Variants in PCDHGA10 observed in about 807,000 individuals in gnomAD.
PCDHGA10 encodes protocadherin gamma subfamily A, 10, also known as protocadherin gamma-A10.
Under a neutral mutation model 59.5 loss-of-function variants are expected in PCDHGA10, and 42 were observed. The observed-to-expected ratio is 0.71, with a 90% confidence interval of 0.55 to 0.91. The LOEUF (loss-of-function observed/expected upper bound fraction) is 0.91. Ranked by LOEUF, PCDHGA10 falls within the 40% of genes least tolerant of loss-of-function variation. The pLI is 0.00. For synonymous variants in PCDHGA10, 511 were observed against 517.2 expected (o/e 0.99, Z 0.16); for missense variants, 1,111 against 1,198.2 (o/e 0.93, Z 1.07).
chr5:141,487,529 A>G lies in PCDHGA10; in HGVS notation c.2437-7278A>G, dbSNP rs772843725. ...TGCACCCACTCGGAGTGATAGCTTCATGATGGTGAAGTCACCCAGTGCACC... is the reference window on the plus strand; with the variant it reads ...TGCACCCACTCGGAGTGATAGCTTCGTGATGGTGAAGTCACCCAGTGCACC... On this transcript the variant is annotated intron_variant, in intron 1 of 3. Coordinates refer to ENST00000398610, the MANE Select transcript of PCDHGA10 (RefSeq NM_018913.3). The surrounding 1 kb of genome is among the most constrained non-coding windows in gnomAD (Gnocchi z 5.0). The G allele has an allele frequency of 2.0e-5, 32 of 1,614,168 alleles. No individual in the cohort carries two copies. Among genetic ancestry groups the G allele is most frequent in the Non-Finnish European group, 2.5e-5 (29 of 1,180,040 alleles).
In PCDHGA10 at chr5:141,490,729, C is replaced by G. The variant is rs1365931429; in HGVS notation, c.2437-4078C>G. ...CCTCACCTACTCCATTGTAGGAAAT[C>G]AGGTTCAGGGAGCCCCAGCCTCCTC... On this transcript the variant is annotated intron_variant, in intron 1 of 3. Coordinates refer to ENST00000398610, the MANE Select transcript of PCDHGA10 (RefSeq NM_018913.3). The surrounding 1 kb of genome is among the most constrained non-coding windows in gnomAD (Gnocchi z 5.4). 1 of 1,614,184 alleles carries G rather than the reference C, an allele frequency of 6.2e-7. No homozygotes were observed.
intron 1 of PCDHGA10, chr5:141,442,382 T>C (rs1256682275): frequency 6.6e-6 from 1 of 152,290 alleles, no homozygotes; most frequent in East Asian, 1.9e-4. Flanking sequence ...CTACCAGGTG[T>C]GTGCTTCTCC....
intron 3 of PCDHGA10, among the ~76,000 whole-genome samples, chr5:141,510,329 A>G (rs1433056614): frequency 6.7e-6 from 1 of 150,230 alleles, no homozygotes; most frequent in South Asian, 2.1e-4. Context: ...AGCACTCTTC[A>G]CCCCCACCCC....
rs367578838 is a variant in PCDHGA10, at chr5:141,432,537, C to A, written c.2436+16926C>A. The A allele has an allele frequency of 5.0e-6, 8 of 1,613,882 alleles. No individual in the cohort carries two copies. Among genetic ancestry groups the A allele is most frequent in the African/African-American group, 1.3e-5 (1 of 74,922 alleles). Reference sequence around the variant, plus strand: ...GGCTACCTGGTGACCAAGGTGGTGGCGGTGGACAGAGACTCCGGCCAGAAC... The same window carrying A: ...GGCTACCTGGTGACCAAGGTGGTGGAGGTGGACAGAGACTCCGGCCAGAAC... On this transcript the variant is annotated intron_variant, in intron 1 of 3. Coordinates refer to ENST00000398610, the MANE Select transcript of PCDHGA10 (RefSeq NM_018913.3). This position sits in a 1 kb window ranked among gnomAD's most constrained non-coding sequence, Gnocchi z 6.0.
intron 1 of PCDHGA10, chr5:141,418,389 AT>A (rs1429903562): frequency 5.6e-6 from 9 of 1,613,878 alleles, no homozygotes; most frequent in Non-Finnish European, 6.8e-6. Flanking sequence ...CCTAACGAGT[AT>A]TTCTCATTGG....
chr5:141,479,021 T>C (rs72790064), intron 1 of PCDHGA10, among the ~76,000 whole-genome samples: 1,892 of 152,352 alleles, frequency 0.012, 20 homozygotes, highest in Non-Finnish European at 0.018. Context: ...TAATTTTCCT[T>C]TGTTTATACA....
intron 1 of PCDHGA10, chr5:141,421,214 G>T (rs1469085534): frequency 5.1e-6 from 8 of 1,561,612 alleles, no homozygotes; most frequent in Non-Finnish European, 6.9e-6. Flanking sequence ...CGGAATATCG[G>T]CTTAGAGCCT....
In PCDHGA10 at chr5:141,487,120, T is replaced by C. The variant is rs1342042604; in HGVS notation, c.2437-7687T>C. 1.9e-6 allele frequency: 3 copies of C among 1,613,948 alleles called. No homozygotes were observed. Among genetic ancestry groups the C allele is most frequent in the Admixed American group, 1.7e-5 (1 of 60,028 alleles). ...AGAAGCTGGTCATTGTGGTAAAGGA[T>C]AGTGGTAGTCCACCACTCTCTACCT... On this transcript the variant is annotated intron_variant, in intron 1 of 3. Coordinates refer to ENST00000398610, the MANE Select transcript of PCDHGA10 (RefSeq NM_018913.3). The surrounding 1 kb of genome is among the most constrained non-coding windows in gnomAD (Gnocchi z 5.0).
rs748605515 is a variant in PCDHGA10 at position 141,486,688 on chromosome 5, C to T, written c.2437-8119C>T. ...CCAGGAATCGAGATGTATCAGCTTC[C>T]TCTTTCATCTCTCTGAACCCCCAGA... On this transcript the variant is annotated intron_variant, in intron 1 of 3. Transcript: ENST00000398610. The surrounding 1 kb of genome is among the most constrained non-coding windows in gnomAD (Gnocchi z 5.0). 2 of 1,614,170 alleles carry T rather than the reference C, an allele frequency of 1.2e-6. No individual in the cohort carries two copies. The highest frequency in any genetic ancestry group is 1.1e-5 in the South Asian group (1 of 91,086).
At chr5:141,507,557 C>T (rs959957585) in intron 3 of PCDHGA10, among the ~76,000 whole-genome samples, 5 of 152,250 alleles carry the variant, frequency 3.3e-5, no homozygotes, top group Middle Eastern at 3.4e-3. Flanking sequence ...AAGTGGCAGG[C>T]GGCTGGGTCT....
At chr5:141,452,554 G>A (rs2098744143) in intron 1 of PCDHGA10, among the ~76,000 whole-genome samples, 1 of 152,140 alleles carries the variant, frequency 6.6e-6, no homozygotes, top group Admixed American at 6.5e-5. Context: ...TCCAGTTCTG[G>A]TTCTTCCTAG....
intron 3 of PCDHGA10, among the ~76,000 whole-genome samples, chr5:141,510,048 G>GTGAT (rs1392197406): frequency 1.3e-5 from 2 of 152,192 alleles, no homozygotes; most frequent in Non-Finnish European, 2.9e-5. Context: ...GAGGTTAAAA[G>GTGAT]TGATTGTGCA....
At chr5:141,420,699 C>T (rs2096518531) in intron 1 of PCDHGA10, among the ~76,000 whole-genome samples, 1 of 152,236 alleles carries the variant, frequency 6.6e-6, no homozygotes, top group African/African-American at 2.4e-5. Context: ...ATTATTTCCA[C>T]TTCCAGAAAT....
chr5:141,497,191 A>G (rs2099774633), intron 2 of PCDHGA10, among the ~76,000 whole-genome samples: 1 of 126,864 alleles, frequency 7.9e-6, no homozygotes, highest in Admixed American at 8.3e-5. Context: ...TGAGAGGCAG[A>G]GAACAATGTG....
chr5:141,419,852 G>A, intron 1 of PCDHGA10: 1 of 1,614,066 alleles, frequency 6.2e-7, no homozygotes, highest in Non-Finnish European at 8.5e-7. Flanking sequence ...CCTGGTGTTC[G>A]CAGATAGCTT....
At chr5:141,472,408 G>T (rs780468341) in intron 1 of PCDHGA10, among the ~76,000 whole-genome samples, 1 of 152,064 alleles carries the variant, frequency 6.6e-6, no homozygotes, top group Non-Finnish European at 1.5e-5. Flanking sequence ...AGGCGTGGTG[G>T]CACGCACCTG....
rs2099730037 is a variant in PCDHGA10 at position 141,491,783 on chromosome 5, A to G, written c.2437-3024A>G. The G allele has an allele frequency of 1.3e-6, 2 of 1,539,618 alleles. No homozygotes were observed. The highest frequency in any genetic ancestry group is 2.2e-5 in the Admixed American group (1 of 46,412). On this transcript the variant is annotated intron_variant, in intron 1 of 3. Transcript: ENST00000398610. The surrounding 1 kb of genome is among the most constrained non-coding windows in gnomAD (Gnocchi z 6.9). ...CGTCCTCATAAGGGATTGAACTTGC[A>G]TCCACTCCTCTCCGGCCGGCTTGGT...
At chr5:141,460,536 G>T (rs911670681) in intron 1 of PCDHGA10, among the ~76,000 whole-genome samples, 1 of 152,092 alleles carries the variant, frequency 6.6e-6, no homozygotes, top group African/African-American at 2.4e-5. Context: ...AATAATCTTA[G>T]CACCTTAATC....
Position 141,485,209 on chromosome 5 carries a change from G to T in PCDHGA10, c.2437-9598G>T, listed in dbSNP as rs2099609420. The T allele has an allele frequency of 6.2e-7, 1 of 1,614,032 alleles. No individual in the cohort carries two copies. Among genetic ancestry groups the T allele is most frequent in the African/African-American group, 1.3e-5 (1 of 74,938 alleles). On this transcript the variant is annotated intron_variant, in intron 1 of 3. Transcript: ENST00000398610. This position sits in a 1 kb window ranked among gnomAD's most constrained non-coding sequence, Gnocchi z 5.7. Reference sequence around the variant, plus strand: ...AGGTGAGAAGCTGGACAGAAATCTGGCGGTGGGCTACCCTTTTGTTCCTCT... The same window carrying T: ...AGGTGAGAAGCTGGACAGAAATCTGTCGGTGGGCTACCCTTTTGTTCCTCT...
Sources: allele counts gnomAD v4.1 joint callset (sites outside exome capture counted in the v4.1 genomes callset), GRCh38; gene constraint gnomAD v4.1.1; non-coding constraint Gnocchi (gnomAD v3.1); transcripts MANE v1.5; gene names NCBI Gene and HGNC (gene_info 2026-07-23, HGNC 2026-07-21).